The following TTC6 variants were observed in gnomAD, a reference collection of about 807,000 sequenced individuals.
TTC6 encodes the protein tetratricopeptide repeat protein 6.
A neutral mutation model predicts 210.4 loss-of-function variants in TTC6; 172 were observed. The observed-to-expected ratio is 0.82, with a 90% CI of 0.72 to 0.93. The LOEUF (loss-of-function observed/expected upper bound fraction) is 0.93. Among genes scored for constraint, TTC6 ranks in the 40% least tolerant of loss-of-function variants. The pLI is 0.00. For missense variants in TTC6, 2,414 were observed against 2,318.1 expected (o/e 1.04, Z -0.85); for synonymous variants, 804 against 819.6 (o/e 0.98, Z 0.32).
chr14:37,646,354 C>G lies in TTC6; in HGVS notation c.939+23351C>G, dbSNP rs778960049. ...AAAACCAAACCAAACCAAACCAAAC[C>G]AAACATCTCTCCCATCCTGAAATCT... On this transcript the variant is annotated intron_variant, in intron 1 of 30. Coordinates refer to ENST00000553443, the Ensembl canonical transcript of TTC6. Among the ~76,000 whole-genome samples the G allele has an allele frequency of 3.3e-5, 5 of 151,964 alleles. No individual in the cohort carries two copies. In the South Asian group the frequency reaches 6.2e-4, roughly 19 times the overall value.
At chr14:37,820,772 TGCA>T (rs544329086) in intron 26 of TTC6, among the ~76,000 whole-genome samples, 209 of 152,262 alleles carry the variant, frequency 1.4e-3, no homozygotes, top group African/African-American at 4.6e-3. Context: ...GTCAACTAAA[TGCA>T]TTTTACACAG....
intron 29 of TTC6, among the ~76,000 whole-genome samples, chr14:37,835,741 A>G (rs575209833): frequency 6.6e-6 from 1 of 152,330 alleles, no homozygotes; most frequent in East Asian, 1.9e-4. Context: ...AGATCAACAT[A>G]TTAGAGTGTA....
chr14:37,737,739 TATA>T lies in TTC6; in HGVS notation c.1983+8_1983+10del. 1 of 1,462,532 alleles carries T rather than the reference TATA, an allele frequency of 6.8e-7. No individual in the cohort carries two copies. The highest frequency in any genetic ancestry group is 9.1e-7 in the Non-Finnish European group (1 of 1,097,450). The allele number at this position is 1,462,532 out of a possible 1,614,324, so 90.6% of individuals were successfully genotyped here. On this transcript the variant is annotated splice_donor_region_variant and intron_variant, in intron 9 of 30. Coordinates refer to ENST00000553443, the Ensembl canonical transcript of TTC6. ...GCACAACCTACACAACTAAGGGTAT[TATA>T]ATTTTACAGTTTTTACTCTCTAAAA...
chr14:37,659,373 A>G (rs1254182713), intron 1 of TTC6, among the ~76,000 whole-genome samples: 1 of 152,156 alleles, frequency 6.6e-6, no homozygotes, highest in African/African-American at 2.4e-5. Context: ...GCTTTCCACA[A>G]TAGTTGAACT....
intron 7 of TTC6, among the ~76,000 whole-genome samples, chr14:37,729,970 A>G (rs902824490): frequency 2.0e-5 from 3 of 152,292 alleles, no homozygotes; most frequent in Admixed American, 6.5e-5. Context: ...GGAGTAACCC[A>G]TTAGAAAAGT....
At chr14:37,827,891 G>A (rs2096175962) in intron 29 of TTC6, 3 of 152,366 alleles carry the variant, frequency 2.0e-5, no homozygotes, top group African/African-American at 4.8e-5. Context: ...TGTATATGTT[G>A]CCGAAGTGAG....
upstream of TTC6, among the ~76,000 whole-genome samples, chr14:37,618,121 G>C (rs1221103140): frequency 6.6e-6 from 1 of 152,198 alleles, no homozygotes; most frequent in Non-Finnish European, 1.5e-5. Context: ...TTACAGTCTA[G>C]AGCAAAGTTT....
chr14:37,818,904 G>A (rs1298895131), intron 26 of TTC6, among the ~76,000 whole-genome samples: 2 of 152,112 alleles, frequency 1.3e-5, no homozygotes, highest in Non-Finnish European at 2.9e-5. Flanking sequence ...GTCCGAGCTT[G>A]TTGCATTCTG....
At position 37,603,357 on chromosome 14, in the gene TTC6, C is replaced by T. The variant is rs143874685; in HGVS notation, c.-234-3306C>T. On this transcript the variant is annotated intron_variant, in intron 1 of 2. Transcript: ENST00000556845. ...AGTAGTGGCTGGCATGAGAGTCAGC[C>T]CTGACGACCTCACCCAGGGAAATGA... Among the ~76,000 whole-genome samples the T allele has an allele frequency of 3.4e-3, 514 of 152,244 alleles. 3 individuals carry two copies. The highest frequency in any genetic ancestry group is 0.01 in the Middle Eastern group (3 of 294).
At chr14:37,752,037 G>A (rs1209919898) in intron 13 of TTC6, among the ~76,000 whole-genome samples, 1 of 152,002 alleles carries the variant, frequency 6.6e-6, no homozygotes, top group African/African-American at 2.4e-5. Context: ...GTGTTCGCCA[G>A]GATGGTCTCG....
At chr14:37,800,911 C>G (rs908887259) in intron 20 of TTC6, among the ~76,000 whole-genome samples, 5 of 152,132 alleles carry the variant, frequency 3.3e-5, no homozygotes, top group Non-Finnish European at 7.3e-5. Flanking sequence ...TAAAACAACT[C>G]AGCTGCAAAC....
At chr14:37,701,506 A>G (rs1275248395) in exon 5 of TTC6, 1 of 1,497,350 alleles carries the variant, frequency 6.7e-7, no homozygotes, top group Non-Finnish European at 8.8e-7. Context: ...ATCGCTTTAC[A>G]GATGAAGAAC....
intron 25 of TTC6, among the ~76,000 whole-genome samples, 171 bp downstream of exon 27, chr14:37,812,604 A>G (rs1184928752): frequency 7.3e-6 from 1 of 137,626 alleles, no homozygotes; most frequent in Non-Finnish European, 1.7e-5. Context: ...AAAAATGTAT[A>G]TTTTTGCTTT....
intron 10 of TTC6, among the ~76,000 whole-genome samples, chr14:37,739,851 T>G (rs2095913443): frequency 6.6e-6 from 1 of 152,004 alleles, no homozygotes; most frequent in Non-Finnish European, 1.5e-5. Context: ...TTTTAAATTA[T>G]TGAATTGAGT....
At chr14:37,787,196 C>A (rs1170382199) in intron 14 of TTC6, among the ~76,000 whole-genome samples, 3 of 151,930 alleles carry the variant, frequency 2.0e-5, no homozygotes, top group Non-Finnish European at 4.4e-5. Context: ...TGACATACGT[C>A]CTTGATAAAT....
At chr14:37,669,149 C>T (rs2095753816) in intron 1 of TTC6, among the ~76,000 whole-genome samples, 1 of 152,190 alleles carries the variant, frequency 6.6e-6, no homozygotes, top group Non-Finnish European at 1.5e-5. Flanking sequence ...AGTTTCCACA[C>T]CTTCATATAA....
intron 8 of TTC6, among the ~76,000 whole-genome samples, chr14:37,737,246 C>T (rs2095904184): frequency 6.6e-6 from 1 of 152,014 alleles, no homozygotes; most frequent in Admixed American, 6.6e-5. Flanking sequence ...TGAGATTGCT[C>T]ATGATTAGAG....
At chr14:37,802,368 C>T (rs945652782) in intron 20 of TTC6, 1 of 151,954 alleles carries the variant, frequency 6.6e-6, no homozygotes, top group Non-Finnish European at 1.5e-5. Flanking sequence ...ACCTGTATAT[C>T]CTGCATATGT....
rs76987574 is a variant in TTC6 at position 37,735,923 on chromosome 14, T to C, written c.1821T>C (p.Ser607=). The C allele has an allele frequency of 9.0e-5, 137 of 1,521,990 alleles. No individual in the cohort carries two copies. The East Asian group carries it at 3.2e-3, about 35-fold the overall frequency. The allele number at this position is 1,521,990 out of a possible 1,614,324, so 94.3% of individuals were successfully genotyped here. The change falls in exon 8 of 31, where the codon AGT becomes AGC. Residue 607 remains serine, a splice_region_variant and synonymous_variant. Coordinates refer to ENST00000553443, the Ensembl canonical transcript of TTC6. ...AAATTGTTATCTTTTTATCACAGAG[T>C]GTTCAAGCAAGCAGACTTTTAACTG...
Sources: allele counts gnomAD v4.1 joint callset (sites outside exome capture counted in the v4.1 genomes callset), GRCh38; gene constraint gnomAD v4.1.1; transcripts MANE v1.5; gene names NCBI Gene and HGNC (gene_info 2026-07-23, HGNC 2026-07-21).